TEKT5: variants seen among roughly 807,000 people sequenced by gnomAD.
TEKT5 encodes tektin 5.
Under a neutral mutation model 48.7 loss-of-function variants are expected in TEKT5, and 52 were observed. The ratio of observed to expected loss-of-function variants is 1.07; its 90% CI spans 0.86 to 1.35. The LOEUF is 1.35. Ranked by LOEUF, TEKT5 falls within the 40% of genes most tolerant of loss-of-function variation. The pLI is 0.00. For synonymous variants in TEKT5, 318 were observed against 267.6 expected (o/e 1.19, Z -1.84); for missense variants, 831 against 641.6 (o/e 1.30, Z -3.19).
chr16:10,689,724 A>C (rs1254828391), intron 2 of TEKT5, among the ~76,000 whole-genome samples: 2 of 152,142 alleles, frequency 1.3e-5, no homozygotes, highest in African/African-American at 4.8e-5. Flanking sequence ...TATTATTATC[A>C]TGCCCATTTT....
At chr16:10,671,164 G>C (rs1041904093) in intron 5 of TEKT5, among the ~76,000 whole-genome samples, 2 of 152,172 alleles carry the variant, frequency 1.3e-5, no homozygotes, top group Non-Finnish European at 2.9e-5. Context: ...AAGAGCTCCA[G>C]AGATTACCTC....
rs146384401 is a variant in TEKT5, at chr16:10,628,673, G to C, written c.1242-874C>G. Among the ~76,000 whole-genome samples the C allele has an allele frequency of 4.9e-3, 753 of 152,268 alleles. 6 individuals carry two copies. Among genetic ancestry groups the C allele is most frequent in the African/African-American group, 0.017 (706 of 41,552 alleles). The stretch of plus-strand genomic sequence containing the variant: ...AAATCCCAGCACTTTGGGAGGCTGA[G>C]ACAGGTGGATCACCTGAGGTCAGGA... On this transcript the variant is annotated intron_variant, in intron 6 of 6. Transcript: ENST00000283025.
chr16:10,636,089 T>C (rs111717951), intron 5 of TEKT5, among the ~76,000 whole-genome samples, 171 bp from the exon 6 acceptor site: 4,760 of 151,786 alleles, frequency 0.031, 228 homozygotes, highest in African/African-American at 0.11. Context: ...CTAAGAAACC[T>C]TGAGGCTGGG....
intron 5 of TEKT5, among the ~76,000 whole-genome samples, chr16:10,659,895 T>A (rs995538729): frequency 6.6e-6 from 1 of 152,208 alleles, no homozygotes; most frequent in African/African-American, 2.4e-5. Flanking sequence ...TGTACAATAT[T>A]ATCAATATTA....
rs1898763938 is a variant in TEKT5, at chr16:10,682,061, C to T, written c.795G>A (p.Lys265=). The T allele has an allele frequency of 8.7e-6, 14 of 1,614,080 alleles. No individual in the cohort carries two copies. Among genetic ancestry groups the T allele is most frequent in the Middle Eastern group, 1.6e-4 (1 of 6,084 alleles). The change falls in exon 4 of 7, where the codon AAG becomes AAA. Residue 265 remains lysine, a synonymous_variant. Transcript: ENST00000283025. ...CTGACGTATTTCTCAGGTTAAAGCA[C>T]TTCTCATCGATACACTGGGCCGAGC... ...DKSSAQCIDE[K]CFNLRNTSDC... is the part of the protein sequence containing the mutation.
At chr16:10,690,428 G>C (rs894462597) in intron 1 of TEKT5, among the ~76,000 whole-genome samples, 4 of 152,108 alleles carry the variant, frequency 2.6e-5, no homozygotes, top group African/African-American at 9.7e-5. Flanking sequence ...ACTTCAATCG[G>C]GGCTTGACCA....
intron 5 of TEKT5, among the ~76,000 whole-genome samples, chr16:10,647,310 A>C (rs373626266): frequency 2.0e-5 from 3 of 151,756 alleles, no homozygotes; most frequent in African/African-American, 7.3e-5. Flanking sequence ...TCTACAAAAA[A>C]TTTAAAAAAA....
intron 5 of TEKT5, among the ~76,000 whole-genome samples, chr16:10,674,436 C>A (rs189898097): frequency 1.3e-5 from 2 of 151,896 alleles, no homozygotes; most frequent in African/African-American, 4.8e-5. Context: ...GAGTTTGAGA[C>A]CAGCCTAAGC....
chr16:10,654,938 T>TCC (rs1898233423), intron 5 of TEKT5, among the ~76,000 whole-genome samples: 14 of 46,346 alleles, frequency 3.0e-4, no homozygotes, highest in African/African-American at 1.1e-3. Context: ...CCCCCTCCCC[T>TCC]CCCCCACCCC....
intron 3 of TEKT5, among the ~76,000 whole-genome samples, chr16:10,686,339 C>T (rs1898861513): frequency 6.6e-6 from 1 of 151,936 alleles, no homozygotes; most frequent in African/African-American, 2.4e-5. Flanking sequence ...CACATGTAAC[C>T]CCTGCTACTC....
At chr16:10,682,337 T>C (rs1387371539) in intron 3 of TEKT5, among the ~76,000 whole-genome samples, 2 of 151,908 alleles carry the variant, frequency 1.3e-5, no homozygotes, top group African/African-American at 4.8e-5. Context: ...ATTCTTTTTT[T>C]TTTGTTTCCA....
intron 6 of TEKT5, among the ~76,000 whole-genome samples, chr16:10,634,824 G>C (rs1469826672): frequency 2.6e-5 from 4 of 152,130 alleles, no homozygotes; most frequent in African/African-American, 9.7e-5. Flanking sequence ...ACAAGCATGG[G>C]AGTGAGCTTG....
At chr16:10,676,227 G>A (rs758081398) in intron 4 of TEKT5, 46 bp from the exon 5 acceptor site, 2 of 1,591,214 alleles carry the variant, frequency 1.3e-6, no homozygotes, top group Admixed American at 3.4e-5. Context: ...GAAGACCTCA[G>A]AATCTGTGGT....
chr16:10,652,449 CAA>C (rs1475311054), intron 5 of TEKT5, among the ~76,000 whole-genome samples: 19 of 110,016 alleles, frequency 1.7e-4, no homozygotes, highest in Admixed American at 3.9e-4. Context: ...TATACACAGG[CAA>C]ACACACACAC....
intron 6 of TEKT5, among the ~76,000 whole-genome samples, chr16:10,629,234 T>C (rs1384803201): frequency 6.6e-6 from 1 of 152,020 alleles, no homozygotes. Flanking sequence ...AAATTTTGTG[T>C]TACATGTATT....
intron 3 of TEKT5, among the ~76,000 whole-genome samples, chr16:10,687,438 T>A (rs1898882639): frequency 6.6e-6 from 1 of 152,218 alleles, no homozygotes; most frequent in African/African-American, 2.4e-5. Flanking sequence ...TTTGTTAAAA[T>A]TTGCCTGTTT....
At chr16:10,665,364 A>G (rs900213398) in intron 5 of TEKT5, among the ~76,000 whole-genome samples, 1 of 152,244 alleles carries the variant, frequency 6.6e-6, no homozygotes, top group Non-Finnish European at 1.5e-5. Flanking sequence ...GGCAAAGCAT[A>G]TGATTGGCTG....
intron 5 of TEKT5, among the ~76,000 whole-genome samples, chr16:10,673,387 T>C (rs1898583564): frequency 6.6e-6 from 1 of 152,186 alleles, no homozygotes; most frequent in African/African-American, 2.4e-5. Context: ...AGAAACCGTA[T>C]TGCCTGCAAA....
intron 2 of TEKT5, 102 bp from the exon 3 acceptor site, chr16:10,689,425 C>T: frequency 9.9e-7 from 1 of 1,009,290 alleles, no homozygotes; most frequent in South Asian, 1.4e-5. Flanking sequence ...CACTGACCAC[C>T]CTCGACCCCA....
Sources: allele counts gnomAD v4.1 joint callset (sites outside exome capture counted in the v4.1 genomes callset), GRCh38; gene constraint gnomAD v4.1.1; transcripts MANE v1.5; gene names NCBI Gene and HGNC (gene_info 2026-07-23, HGNC 2026-07-21).